Variants in TGFBI observed in about 807,000 individuals in gnomAD.
The protein encoded by TGFBI is transforming growth factor beta induced, also known as transforming growth factor-beta-induced protein ig-h3.
Under a neutral mutation model 73.7 loss-of-function variants are expected in TGFBI, and 50 were observed. The ratio of observed to expected loss-of-function variants is 0.68; its 90% CI spans 0.54 to 0.86. The LOEUF is 0.86. TGFBI is among the 40% of genes least tolerant of loss of function. The pLI, the probability that TGFBI is intolerant of heterozygous loss-of-function variation, is 0.00. For missense variants in TGFBI, 839 were observed against 877.0 expected (o/e 0.96, Z 0.55); for synonymous variants, 362 against 360.5 (o/e 1.00, Z -0.05).
intron 5 of TGFBI, 121 bp downstream of exon 5, chr5:136,047,136 C>T: frequency 6.6e-7 from 1 of 1,517,944 alleles, no homozygotes; most frequent in Non-Finnish European, 8.9e-7. Flanking sequence ...GTGCCTGCTT[C>T]TCCTTGGGCC....
chr5:136,053,031 CAA>C lies in TGFBI; in HGVS notation c.1039_1040del (p.Asn347ArgfsTer8). On this transcript the variant is annotated frameshift_variant, in exon 8 of 17. Transcript: ENST00000442011. LOFTEE classifies it high-confidence loss of function. ...GCTGCAGCGGGGACATGCTCACTAT[CAA>C]CGGGAAGGCGATCATCTCCAATAAA... Reference protein sequence around the residue: ...VGCSGDMLTINGKAIISNKDI... With the variant: ...VGCSGDMLTIXGKAIISNKDI... The C allele has an allele frequency of 3.1e-6, 5 of 1,614,068 alleles. No homozygotes were observed. Among genetic ancestry groups the C allele is most frequent in the Non-Finnish European group, 4.2e-6 (5 of 1,179,900 alleles).
In TGFBI at chr5:136,047,370, A is replaced by G. The variant is rs886059926; in HGVS notation, c.721A>G (p.Asn241Asp). 4 of 1,613,838 alleles carry G rather than the reference A, an allele frequency of 2.5e-6. No homozygotes were observed. Among genetic ancestry groups the G allele is most frequent in the Admixed American group, 3.3e-5 (2 of 60,012 alleles). The change falls in exon 6 of 17, where the codon AAC becomes GAC. Residue 241 changes from asparagine (N) to aspartate (D), a missense_variant. Asn to Asp is a conservative substitution (Grantham distance 23). Coordinates refer to ENST00000442011, the MANE Select transcript of TGFBI (RefSeq NM_000358.3). ...LIDKVISTIT[N>D]NIQQIIEIED... ...CGATAAGGTCATCTCCACCATCACCAACAACATCCAGCAGATCATTGAGAT... is the reference window on the plus strand; with the variant it reads ...CGATAAGGTCATCTCCACCATCACCGACAACATCCAGCAGATCATTGAGAT...
intron 1 of TGFBI, among the ~76,000 whole-genome samples, chr5:136,030,039 A>G (rs1751089047): frequency 6.6e-6 from 1 of 152,222 alleles, no homozygotes; most frequent in Non-Finnish European, 1.5e-5. Flanking sequence ...GAGGCAGGCA[A>G]CATTTCTACC....
intron 6 of TGFBI, 128 bp downstream of exon 6, chr5:136,047,548 T>A: frequency 9.3e-7 from 1 of 1,077,148 alleles, no homozygotes; most frequent in Non-Finnish European, 1.4e-6. Context: ...CAGGTTCCCC[T>A]GAATGCCCTT....
intron 13 of TGFBI, among the ~76,000 whole-genome samples, chr5:136,059,667 A>G (rs534524171): frequency 2.0e-5 from 3 of 152,234 alleles, no homozygotes; most frequent in Non-Finnish European, 4.4e-5. Flanking sequence ...TTGATGATAT[A>G]ACTTTGTAAC....
chr5:136,058,647 A>G (rs1163553439), intron 12 of TGFBI: 2 of 156,710 alleles, frequency 1.3e-5, no homozygotes, highest in Admixed American at 1.2e-4. Flanking sequence ...CAGAATGTGT[A>G]AATATTGCAC....
At chr5:136,052,142 A>C (rs541045694) in intron 7 of TGFBI, among the ~76,000 whole-genome samples, 13 of 152,362 alleles carry the variant, frequency 8.5e-5, no homozygotes, top group Middle Eastern at 3.4e-3. Flanking sequence ...CTCCGAGGCA[A>C]TGGAGACCAG....
rs114799126 is a variant in TGFBI, at chr5:136,043,701, C to T, written c.234-357C>T. Among the ~76,000 whole-genome samples the T allele has an allele frequency of 4.6e-3, 704 of 152,326 alleles. 4 individuals are homozygous for T. The highest frequency in any genetic ancestry group is 6.8e-3 in the Non-Finnish European group (462 of 68,024). On this transcript the variant is annotated intron_variant, in intron 2 of 16. Coordinates refer to ENST00000442011, the MANE Select transcript of TGFBI (RefSeq NM_000358.3). ...AGGGCTCTTTCTATTCCTTCCTGTT[C>T]CCTTTCAGGAACACTCACCATCGGC...
intron 12 of TGFBI, among the ~76,000 whole-genome samples, chr5:136,057,244 G>T (rs1358829334): frequency 6.6e-6 from 1 of 152,184 alleles, no homozygotes; most frequent in Admixed American, 6.5e-5. Flanking sequence ...GCAGGAAACC[G>T]GGCAGAGAGG....
chr5:136,061,514 G>A lies in TGFBI; in HGVS notation c.1921G>A (p.Glu641Lys), dbSNP rs748068717. The change falls in exon 15 of 17, where the codon GAA (glutamate) becomes AAA (lysine). Residue 641 changes from glutamate (E) to lysine (K), a missense_variant. Physicochemically the swap from Glu to Lys is moderately conservative, Grantham distance 56. Coordinates refer to ENST00000442011, the MANE Select transcript of TGFBI (RefSeq NM_000358.3). ...TTCCTCTTCAGCCAACAGACCTCAG[G>A]AAAGAGGGGATGAACTTGCAGACTC... Reference protein sequence around the residue: ...VLQPPANRPQERGDELADSAL... With the variant: ...VLQPPANRPQKRGDELADSAL... 3 of 1,608,008 alleles carry A rather than the reference G, an allele frequency of 1.9e-6. No homozygotes were observed. The highest frequency in any genetic ancestry group is 2.5e-6 in the Non-Finnish European group (3 of 1,177,218).
intron 2 of TGFBI, among the ~76,000 whole-genome samples, chr5:136,037,010 C>T (rs1372448489): frequency 3.3e-5 from 5 of 152,098 alleles, no homozygotes; most frequent in Non-Finnish European, 4.4e-5. Context: ...ATACAGGAGC[C>T]GACCTGGTGA....
chr5:136,055,632 C>A (rs759243812), intron 10 of TGFBI, 48 bp from the exon 11 acceptor site: 36 of 1,499,286 alleles, frequency 2.4e-5, no homozygotes, highest in Non-Finnish European at 3.1e-5. Flanking sequence ...GGAGGCCCCT[C>A]GTGGAAGTAT....
At chr5:136,054,447 C>G (rs963041725) in intron 9 of TGFBI, among the ~76,000 whole-genome samples, 2 of 152,150 alleles carry the variant, frequency 1.3e-5, no homozygotes, top group African/African-American at 4.8e-5. Flanking sequence ...GAGCTGCAGC[C>G]CCAGGAAGGC....
chr5:136,039,665 C>A (rs1038646704), intron 2 of TGFBI, among the ~76,000 whole-genome samples: 1 of 152,244 alleles, frequency 6.6e-6, no homozygotes, highest in African/African-American at 2.4e-5. Context: ...AATGCCCTCA[C>A]ATGCTGCATA....
chr5:136,041,329 T>C (rs956571004), intron 2 of TGFBI, among the ~76,000 whole-genome samples: 1 of 152,198 alleles, frequency 6.6e-6, no homozygotes, highest in African/African-American at 2.4e-5. Flanking sequence ...GCCTTGGTTG[T>C]TGGGCATGTG....
chr5:136,055,652 T>A lies in TGFBI; in HGVS notation c.1411-28T>A, dbSNP rs1751615666. ...CCCCTCGTGGAAGTATAACCAGTCC[T>A]TTCTTTCTCTGTCCCTCTTCTGTGC... On this transcript the variant is annotated intron_variant, in intron 10 of 16. Coordinates refer to ENST00000442011, the MANE Select transcript of TGFBI (RefSeq NM_000358.3). 3.2e-6 allele frequency: 5 copies of A among 1,556,970 alleles called. No individual in the cohort carries two copies. The South Asian group carries it at 4.9e-5, about 15-fold the overall frequency.
At position 136,063,504 on chromosome 5, in the gene TGFBI, G is replaced by A. The variant is rs1751786385; in HGVS notation, c.*278G>A. 4.7e-6 allele frequency: 2 copies of A among 423,252 alleles called. No homozygotes were observed. Among genetic ancestry groups the A allele is most frequent in the Admixed American group, 3.8e-5 (1 of 26,326 alleles). The allele number at this position is 423,252 out of a possible 1,614,324, so 26.2% of individuals were successfully genotyped here. ...CTTCCAGAGAGGACCTATCCCAAATGTGGAATTGACTGCCTATGCCAAGTC... is the reference window on the plus strand; with the variant it reads ...CTTCCAGAGAGGACCTATCCCAAATATGGAATTGACTGCCTATGCCAAGTC... On this transcript the variant is annotated 3_prime_UTR_variant, in exon 17 of 17. Transcript: ENST00000442011.
chr5:136,041,465 A>C (rs1303636313), intron 2 of TGFBI, among the ~76,000 whole-genome samples: 1 of 151,932 alleles, frequency 6.6e-6, no homozygotes, highest in Admixed American at 6.6e-5. Context: ...CTTTGGAGAC[A>C]CCCCCTGTGT....
At chr5:136,061,778 T>G in intron 15 of TGFBI, 199 bp downstream of exon 15, 1 of 652,568 alleles carries the variant, frequency 1.5e-6, no homozygotes, top group Admixed American at 2.2e-5. Flanking sequence ...CTCCCTGGCT[T>G]TCATGGGCCA....
Sources: gnomAD v4.1 joint callset for allele counts (sites outside exome capture counted in the v4.1 genomes callset) on GRCh38, gnomAD v4.1.1 for gene constraint, MANE v1.5 for transcripts, NCBI Gene and HGNC (gene_info 2026-07-23, HGNC 2026-07-21) for gene names.